The following TAS2R1 variants were observed in gnomAD, a reference collection of about 807,000 sequenced individuals.
The protein encoded by TAS2R1 is taste receptor type 2 member 1.
For synonymous variants in TAS2R1, 141 were observed against 134.2 expected, an observed-to-expected ratio of 1.05 and a Z score of -0.35; for missense variants, 370 against 353.4, an observed-to-expected ratio of 1.05 and a Z score of -0.38.
intron 1 of TAS2R1, among the ~76,000 whole-genome samples, chr5:9,680,922 G>T (rs1043973695): frequency 6.6e-6 from 1 of 152,014 alleles, no homozygotes; most frequent in Non-Finnish European, 1.5e-5. Flanking sequence ...AATTAGCCAG[G>T]TATGGTGGCA....
At chr5:9,824,785 T>C in the TAS2R1 span, among the ~76,000 whole-genome samples, 1 of 145,230 alleles carries the variant, frequency 6.9e-6, no homozygotes, top group African/African-American at 2.6e-5. Flanking sequence ...CAGCGGAGGT[T>C]GCAGCGAGCC....
At chr5:9,812,136 G>GTCCT in the TAS2R1 span, among the ~76,000 whole-genome samples, 2 of 151,744 alleles carry the variant, frequency 1.3e-5, no homozygotes, top group East Asian at 3.9e-4. Context: ...TATCTGTATT[G>GTCCT]TCCTTCACCC....
intron 1 of TAS2R1, among the ~76,000 whole-genome samples, chr5:9,695,391 G>A (rs1159817355): frequency 6.6e-6 from 1 of 151,982 alleles, no homozygotes; most frequent in African/African-American, 2.4e-5. Context: ...TTTGGCCTGT[G>A]GAAGAAGTTT....
chr5:9,817,783 T>C, the TAS2R1 span, among the ~76,000 whole-genome samples: 1 of 151,812 alleles, frequency 6.6e-6, no homozygotes, highest in Non-Finnish European at 1.5e-5. Context: ...CATAGTTCCA[T>C]ATTGCTGGGG....
intron 1 of TAS2R1, among the ~76,000 whole-genome samples, chr5:9,681,637 CTT>C (rs1335386505): frequency 1.3e-5 from 2 of 150,748 alleles, no homozygotes; most frequent in Non-Finnish European, 3.0e-5. Context: ...AATGGCTTAT[CTT>C]TGAAGATTCA....
the TAS2R1 span, among the ~76,000 whole-genome samples, chr5:9,867,686 A>G: frequency 4.1e-4 from 63 of 152,230 alleles, no homozygotes; most frequent in African/African-American, 1.5e-3. Context: ...TTCGAAACCA[A>G]TCATGCCTTC....
At chr5:9,802,795 C>T in the TAS2R1 span, among the ~76,000 whole-genome samples, 6 of 152,030 alleles carry the variant, frequency 3.9e-5, no homozygotes, top group South Asian at 2.1e-4. Flanking sequence ...CCCAGCTACT[C>T]GGGTGGCTGA....
chr5:9,801,526 T>G, the TAS2R1 span, among the ~76,000 whole-genome samples: 5 of 152,268 alleles, frequency 3.3e-5, no homozygotes, highest in East Asian at 9.7e-4. Flanking sequence ...GCCAAGAGAA[T>G]CCACAGACCC....
At chr5:9,694,075 A>G (rs866761319) in intron 1 of TAS2R1, among the ~76,000 whole-genome samples, 4 of 152,194 alleles carry the variant, frequency 2.6e-5, no homozygotes, top group Non-Finnish European at 5.9e-5. Flanking sequence ...TAGTGTTATC[A>G]CATGGAAAAC....
At chr5:9,664,167 C>T (rs1740587997) in intron 1 of TAS2R1, among the ~76,000 whole-genome samples, 1 of 152,132 alleles carries the variant, frequency 6.6e-6, no homozygotes, top group South Asian at 2.1e-4. Flanking sequence ...CTTTCCCTTC[C>T]ACCTCTTCTA....
chr5:9,702,559 C>A (rs1487832844), intron 1 of TAS2R1, among the ~76,000 whole-genome samples: 1 of 152,168 alleles, frequency 6.6e-6, no homozygotes, highest in Admixed American at 6.6e-5. Flanking sequence ...TAGAAACCCA[C>A]CCGGCTGAGC....
chr5:9,781,544 G>T, the TAS2R1 span, among the ~76,000 whole-genome samples: 1 of 152,134 alleles, frequency 6.6e-6, no homozygotes, highest in Non-Finnish European at 1.5e-5. Flanking sequence ...CTGAGTAAAA[G>T]GCACAGTCCC....
the TAS2R1 span, among the ~76,000 whole-genome samples, chr5:9,811,686 C>T: frequency 2.0e-5 from 3 of 152,228 alleles, no homozygotes; most frequent in East Asian, 5.8e-4. Flanking sequence ...TTAACAACAC[C>T]CACATTCTGA....
At chr5:9,829,405 C>T in the TAS2R1 span, among the ~76,000 whole-genome samples, 1 of 151,954 alleles carries the variant, frequency 6.6e-6, no homozygotes, top group Admixed American at 6.6e-5. Context: ...CAGAGACACC[C>T]CACGGTCATT....
the TAS2R1 span, among the ~76,000 whole-genome samples, chr5:9,879,878 G>A: frequency 6.6e-6 from 1 of 152,274 alleles, no homozygotes; most frequent in South Asian, 2.1e-4. Context: ...AATGACTAGA[G>A]GCTGGGTTGG....
Position 9,660,648 on chromosome 5 carries a change from G to C in TAS2R1, c.-241-1067C>G, listed in dbSNP as rs192409203. Among the ~76,000 whole-genome samples, 683 of 152,284 alleles carry C rather than the reference G, an allele frequency of 4.5e-3. 5 individuals carry two copies. Among genetic ancestry groups the C allele is most frequent in the African/African-American group, 0.015 (642 of 41,564 alleles). The stretch of plus-strand genomic sequence containing the variant: ...ATCCCTGTCTTAATCCCTAGGACTT[G>C]TGACTATGTCACCATACATGGCAAA... On this transcript the variant is annotated intron_variant, in intron 1 of 2. Transcript: ENST00000506620.
At chr5:9,665,924 C>T (rs1338298965) in intron 1 of TAS2R1, among the ~76,000 whole-genome samples, 3 of 152,168 alleles carry the variant, frequency 2.0e-5, no homozygotes, top group African/African-American at 4.8e-5. Context: ...GTAATTGTAA[C>T]ATTACCCTAC....
chr5:9,900,900 T>G, the TAS2R1 span, among the ~76,000 whole-genome samples: 1 of 152,144 alleles, frequency 6.6e-6, no homozygotes, highest in African/African-American at 2.4e-5. Context: ...CGGATTTAAT[T>G]TGCGTGGGGA....
chr5:9,761,952 C>T, the TAS2R1 span, among the ~76,000 whole-genome samples: 1 of 152,292 alleles, frequency 6.6e-6, no homozygotes, highest in South Asian at 2.1e-4. Flanking sequence ...AGAGATGCAG[C>T]AGTGGAAGCT....
Sources: allele counts gnomAD v4.1 joint callset (sites outside exome capture counted in the v4.1 genomes callset), GRCh38; gene constraint gnomAD v4.1.1; transcripts MANE v1.5; gene names NCBI Gene and HGNC (gene_info 2026-07-23, HGNC 2026-07-21).